Variants in GRM1 observed in about 807,000 individuals in gnomAD.
The protein encoded by GRM1 is glutamate metabotropic receptor 1, also known as metabotropic glutamate receptor 1.
GRM1 carries 33 observed loss-of-function variants against 90.9 expected under a neutral mutation model. The ratio of observed to expected loss-of-function variants is 0.36; its 90% CI spans 0.28 to 0.49. The LOEUF is 0.49. Ranked by LOEUF, GRM1 falls within the 20% of genes least tolerant of loss-of-function variation. The probability of loss-of-function intolerance (pLI) is 0.99; values close to 1 mark genes in which losing one functional copy is unlikely to be tolerated. For synonymous variants in GRM1, 700 were observed against 613.2 expected, an observed-to-expected ratio of 1.14 and a Z score of -2.09; for missense variants, 1,190 against 1,534.3, an observed-to-expected ratio of 0.78 and a Z score of 3.75.
chr6:146,414,034 A>G (rs1359092696), intron 7 of GRM1, among the ~76,000 whole-genome samples: 1 of 152,218 alleles, frequency 6.6e-6, no homozygotes, highest in African/African-American at 2.4e-5. Context: ...GATTTTATTA[A>G]CATATATTTT....
chr6:146,322,691 T>G (rs1007985242), intron 3 of GRM1, among the ~76,000 whole-genome samples: 1 of 152,030 alleles, frequency 6.6e-6, no homozygotes, highest in African/African-American at 2.4e-5. Context: ...CATGTTGGTG[T>G]GCTGCACCCA....
intron 3 of GRM1, among the ~76,000 whole-genome samples, chr6:146,330,874 A>G (rs1387783730): frequency 6.6e-6 from 1 of 152,196 alleles, no homozygotes; most frequent in Non-Finnish European, 1.5e-5. Context: ...AATTATTTAT[A>G]TCTGTGCCCA....
chr6:146,220,554 A>G (rs1370692551), intron 2 of GRM1, among the ~76,000 whole-genome samples: 2 of 152,168 alleles, frequency 1.3e-5, no homozygotes, highest in Admixed American at 6.6e-5. Flanking sequence ...TAGATTAAAT[A>G]ATTTTAGGAG....
At chr6:146,078,480 C>G (rs1349039372) in intron 1 of GRM1, among the ~76,000 whole-genome samples, 1 of 152,126 alleles carries the variant, frequency 6.6e-6, no homozygotes, top group Admixed American at 6.5e-5. Flanking sequence ...GTGGGGTCCA[C>G]TGGGCATGAT....
At chr6:146,058,774 C>A (rs1775569299) in intron 1 of GRM1, among the ~76,000 whole-genome samples, 1 of 152,110 alleles carries the variant, frequency 6.6e-6, no homozygotes, top group Admixed American at 6.6e-5. Flanking sequence ...TGGTCTCAAT[C>A]ATTTGTTGTC....
chr6:146,175,945 C>A (rs1311508147), intron 2 of GRM1, among the ~76,000 whole-genome samples: 3 of 152,072 alleles, frequency 2.0e-5, no homozygotes, highest in Non-Finnish European at 4.4e-5. Context: ...AAACCTCTAA[C>A]CCTCTTTCCT....
At chr6:146,262,197 T>C (rs563331706) in intron 2 of GRM1, among the ~76,000 whole-genome samples, 2 of 152,178 alleles carry the variant, frequency 1.3e-5, no homozygotes, top group African/African-American at 4.8e-5. Context: ...AAACAGTTTG[T>C]TGTTATCTGC....
At chr6:146,074,161 T>C (rs57889864) in intron 1 of GRM1, among the ~76,000 whole-genome samples, 1,778 of 152,172 alleles carry the variant, frequency 0.012, 32 homozygotes, top group African/African-American at 0.041. Context: ...ATGTACCAAA[T>C]GTTGATGGAT....
At chr6:146,338,438 G>A (rs1353195764) in intron 3 of GRM1, among the ~76,000 whole-genome samples, 2 of 152,214 alleles carry the variant, frequency 1.3e-5, no homozygotes, top group African/African-American at 4.8e-5. Flanking sequence ...TAAAAAGAGA[G>A]TGTTAACTTT....
At chr6:146,323,133 G>A (rs561910385) in intron 3 of GRM1, among the ~76,000 whole-genome samples, 1 of 152,184 alleles carries the variant, frequency 6.6e-6, no homozygotes, top group South Asian at 2.1e-4. Context: ...GGGATGGCTG[G>A]GTCAAATGGC....
chr6:146,183,471 A>G (rs1191972311), intron 2 of GRM1, among the ~76,000 whole-genome samples: 3 of 152,180 alleles, frequency 2.0e-5, no homozygotes, highest in African/African-American at 7.2e-5. Flanking sequence ...GGTCAAATAA[A>G]GTGACGGAGG....
rs996130888 is a variant in GRM1, at chr6:146,434,200, G to A, written c.2989G>A (p.Ala997Thr). The A allele has an allele frequency of 2.5e-6, 4 of 1,611,486 alleles. No homozygotes were observed. The highest frequency in any genetic ancestry group is 2.2e-5 in the South Asian group (2 of 90,978). Residue 997 changes from alanine to threonine, a missense_variant, in exon 8 of 8, where the codon GCA (alanine) becomes ACA (threonine). Transcript: ENST00000282753. The stretch of plus-strand genomic sequence containing the variant: ...TCCGCCTCTGCCGTCCCACCTGACC[G>A]CAGAGGAGACCCCCCTCTTCCTGGC... ...TTPPLPSHLT[A>T]EETPLFLAEP...
chr6:146,401,470 C>T (rs1346166845), intron 7 of GRM1, among the ~76,000 whole-genome samples: 1 of 151,966 alleles, frequency 6.6e-6, no homozygotes, highest in Non-Finnish European at 1.5e-5. Flanking sequence ...AATGGCATCA[C>T]TAACAATTTC....
At chr6:146,079,370 T>A (rs567341857) in intron 1 of GRM1, among the ~76,000 whole-genome samples, 161 of 152,222 alleles carry the variant, frequency 1.1e-3, no homozygotes, top group African/African-American at 3.5e-3. Context: ...GCCATCTCCA[T>A]TGAGTGCAAG....
chr6:146,353,719 C>T (rs1165790886), intron 4 of GRM1, among the ~76,000 whole-genome samples: 1 of 152,144 alleles, frequency 6.6e-6, no homozygotes, highest in South Asian at 2.1e-4. Context: ...AATTTCTGTC[C>T]CCCAGATTCA....
chr6:146,087,354 A>G (rs952359680), intron 1 of GRM1, among the ~76,000 whole-genome samples: 1 of 152,134 alleles, frequency 6.6e-6, no homozygotes, highest in African/African-American at 2.4e-5. Flanking sequence ...TTACATAACC[A>G]CAGTACCATG....
chr6:146,159,716 A>G (rs1432654517), intron 2 of GRM1, 119 bp downstream of exon 2: 3 of 946,378 alleles, frequency 3.2e-6, no homozygotes, highest in African/African-American at 3.3e-5. Context: ...CTAACTCCAA[A>G]GTGGGAGAGA....
In GRM1 at chr6:146,242,992, A is replaced by G. The variant is rs545340208; in HGVS notation, c.951-61619A>G. On this transcript the variant is annotated intron_variant, in intron 2 of 7. Coordinates refer to ENST00000282753, the MANE Select transcript of GRM1 (RefSeq NM_001278064.2). ...AAGCTATAACCCATGTACTTCAAGC[A>G]TTCTAATCAGTTATGCTTAGTCCCA... 1.7e-4 allele frequency among the ~76,000 whole-genome samples: 26 copies of G among 152,280 alleles called. No homozygotes were observed. In the South Asian group the frequency reaches 4.6e-3, roughly 27 times the overall value.
chr6:146,079,554 G>A (rs572447121), intron 1 of GRM1, among the ~76,000 whole-genome samples: 7 of 152,166 alleles, frequency 4.6e-5, no homozygotes, highest in Admixed American at 2.6e-4. Flanking sequence ...CTCAATTATC[G>A]AAAAGATGAT....
Sources: allele counts gnomAD v4.1 joint callset (sites outside exome capture counted in the v4.1 genomes callset), GRCh38; gene constraint gnomAD v4.1.1; transcripts MANE v1.5; gene names NCBI Gene and HGNC (gene_info 2026-07-23, HGNC 2026-07-21).